The following NRG1 variants were observed in gnomAD, a reference collection of about 807,000 sequenced individuals.
NRG1 encodes neuregulin 1.
NRG1 carries 18 observed loss-of-function variants against 63.8 expected under a neutral mutation model. The ratio of observed to expected loss-of-function variants is 0.28; its 90% CI spans 0.19 to 0.42. The LOEUF is 0.42. Among genes scored for constraint, NRG1 ranks in the 10% least tolerant of loss-of-function variants. The pLI, the probability that NRG1 is intolerant of heterozygous loss-of-function variation, is 1.00. For missense variants in NRG1, 762 were observed against 814.7 expected (o/e 0.94, Z 0.79); for synonymous variants, 302 against 301.3 (o/e 1.00, Z -0.02).
At chr8:32,118,309 C>T (rs780898732) in intron 1 of NRG1, among the ~76,000 whole-genome samples, 7 of 151,956 alleles carry the variant, frequency 4.6e-5, no homozygotes, top group African/African-American at 7.2e-5. Flanking sequence ...AGTTGTCCCC[C>T]GACTCGCCGC....
At chr8:32,181,931 A>G (rs757489385) in intron 1 of NRG1, among the ~76,000 whole-genome samples, 17 of 150,528 alleles carry the variant, frequency 1.1e-4, no homozygotes, top group Non-Finnish European at 2.5e-4. Context: ...AACTAACAGT[A>G]AAAAAAATTG....
chr8:32,274,226 A>C (rs1427148348), intron 1 of NRG1, among the ~76,000 whole-genome samples: 1 of 152,174 alleles, frequency 6.6e-6, no homozygotes, highest in Non-Finnish European at 1.5e-5. Flanking sequence ...TTGTGCAGTT[A>C]TGTTACATGC....
chr8:32,543,662 A>G (rs145521570), upstream of NRG1, among the ~76,000 whole-genome samples: 1 of 152,320 alleles, frequency 6.6e-6, no homozygotes, highest in East Asian at 1.9e-4. Context: ...GATAAATAAT[A>G]GTAATCATTA....
At chr8:32,556,758 A>G (rs1446217980) in intron 1 of NRG1, among the ~76,000 whole-genome samples, 1 of 152,156 alleles carries the variant, frequency 6.6e-6, no homozygotes, top group African/African-American at 2.4e-5. Context: ...TTAAAACTGT[A>G]TATGTTTATA....
intron 9 of NRG1, among the ~76,000 whole-genome samples, chr8:32,757,403 T>C (rs1233425037): frequency 6.6e-6 from 1 of 152,212 alleles, no homozygotes; most frequent in Non-Finnish European, 1.5e-5. Flanking sequence ...AAGCTTATAT[T>C]GTAGTACCAT....
intron 1 of NRG1, among the ~76,000 whole-genome samples, chr8:31,653,565 T>A (rs1805120084): frequency 6.6e-6 from 1 of 152,228 alleles, no homozygotes; most frequent in East Asian, 1.9e-4. Flanking sequence ...ATGGCCTTTC[T>A]ATTCCCTGAA....
At chr8:32,727,140 T>C (rs1306150896) in intron 5 of NRG1, among the ~76,000 whole-genome samples, 2 of 152,218 alleles carry the variant, frequency 1.3e-5, no homozygotes, top group African/African-American at 4.8e-5. Context: ...GTATAATTCA[T>C]GCACCCACTT....
At chr8:32,644,472 G>A (rs2129546255) in intron 5 of NRG1, among the ~76,000 whole-genome samples, 1 of 152,270 alleles carries the variant, frequency 6.6e-6, no homozygotes. Context: ...CTAGTCCCAA[G>A]GGTAGAACTA....
chr8:32,004,134 A>G (rs1813368664), intron 1 of NRG1, among the ~76,000 whole-genome samples: 1 of 151,964 alleles, frequency 6.6e-6, no homozygotes, highest in South Asian at 2.1e-4. Context: ...CCAGTCTGAA[A>G]AGGCTGTATG....
chr8:31,832,266 T>C (rs78564987), intron 1 of NRG1, among the ~76,000 whole-genome samples: 1 of 151,558 alleles, frequency 6.6e-6, no homozygotes, highest in South Asian at 2.1e-4. Flanking sequence ...TTTTTTTTTT[T>C]TCTTGAGATG....
At chr8:32,163,793 G>A (rs1424826052) in intron 1 of NRG1, among the ~76,000 whole-genome samples, 2 of 152,146 alleles carry the variant, frequency 1.3e-5, no homozygotes, top group Non-Finnish European at 2.9e-5. Context: ...CGGATTCTTG[G>A]CCCTTGAGTT....
In NRG1 at chr8:31,785,387, A is replaced by G. The variant is rs1400430059; in HGVS notation, c.37+145956A>G. The stretch of plus-strand genomic sequence containing the variant: ...CCCTGAAGACCTCTCACCCTGTGCC[A>G]AAGTCCAGGTGCAGAAAAGAAAGGT... On this transcript the variant is annotated intron_variant, in intron 1 of 10. Transcript: ENST00000519301. Among the ~76,000 whole-genome samples the G allele has an allele frequency of 3.9e-5, 6 of 152,318 alleles. No homozygotes were observed. In the East Asian group the frequency reaches 1.2e-3, roughly 29 times the overall value.
chr8:32,151,801 G>A (rs914705280), intron 1 of NRG1, among the ~76,000 whole-genome samples: 1 of 152,156 alleles, frequency 6.6e-6, no homozygotes, highest in Non-Finnish European at 1.5e-5. Context: ...CCTATGAGGC[G>A]CAGTGCCTTT....
chr8:32,471,803 A>C (rs1215474913), intron 1 of NRG1, among the ~76,000 whole-genome samples: 1 of 152,236 alleles, frequency 6.6e-6, no homozygotes, highest in African/African-American at 2.4e-5. Context: ...AAACAAGCTG[A>C]TTTAAGTTAC....
chr8:32,195,532 A>G (rs891303975), intron 1 of NRG1, among the ~76,000 whole-genome samples: 6 of 152,216 alleles, frequency 3.9e-5, no homozygotes, highest in South Asian at 2.1e-4. Flanking sequence ...TTTATATCTG[A>G]CATAATTCTC....
chr8:32,132,446 A>G (rs2131638777), intron 1 of NRG1, among the ~76,000 whole-genome samples: 1 of 152,218 alleles, frequency 6.6e-6, no homozygotes, highest in African/African-American at 2.4e-5. Flanking sequence ...GAATGCAGCA[A>G]GCCAGAGAAC....
intron 1 of NRG1, among the ~76,000 whole-genome samples, chr8:32,305,604 C>T (rs1856102912): frequency 6.6e-6 from 1 of 152,158 alleles, no homozygotes; most frequent in Non-Finnish European, 1.5e-5. Context: ...GTCCACTTAG[C>T]TTTGTCTCTT....
intron 9 of NRG1, among the ~76,000 whole-genome samples, chr8:32,757,772 C>T (rs115939977): frequency 0.014 from 2,070 of 152,266 alleles, 44 homozygotes; most frequent in African/African-American, 0.047. Context: ...TAAAAACAGA[C>T]CTAAAAATAA....
At chr8:31,735,953 A>G (rs1814623670) in intron 1 of NRG1, among the ~76,000 whole-genome samples, 1 of 152,102 alleles carries the variant, frequency 6.6e-6, no homozygotes, top group South Asian at 2.1e-4. Flanking sequence ...AAATAACCTC[A>G]CATCTGTCCT....
Sources: allele counts gnomAD v4.1 joint callset (sites outside exome capture counted in the v4.1 genomes callset), GRCh38; gene constraint gnomAD v4.1.1; transcripts MANE v1.5; gene names NCBI Gene and HGNC (gene_info 2026-07-23, HGNC 2026-07-21).